The following ITIH5 variants were observed in gnomAD, a reference collection of about 807,000 sequenced individuals.
The protein encoded by ITIH5 is inter-alpha-trypsin inhibitor heavy chain H5.
Under a neutral mutation model 77.5 loss-of-function variants are expected in ITIH5, and 65 were observed. The ratio of observed to expected loss-of-function variants is 0.84; its 90% CI spans 0.69 to 1.03. The LOEUF is 1.03. Among genes scored for constraint, ITIH5 ranks in the 50% least tolerant of loss-of-function variants. The probability of loss-of-function intolerance (pLI) is 0.00; values close to 1 mark genes in which losing one functional copy is unlikely to be tolerated. For missense variants in ITIH5, 1,208 were observed against 1,213.1 expected (o/e 1.00, Z 0.06); for synonymous variants, 525 against 494.3 (o/e 1.06, Z -0.82).
intron 6 of ITIH5, 79 bp downstream of exon 6, chr10:7,617,034 G>A (rs1833381040): frequency 4.7e-6 from 4 of 855,438 alleles, no homozygotes; most frequent in Non-Finnish European, 6.7e-6. Context: ...TCTCCCTTAG[G>A]TAAATATTGG....
Position 7,559,900 on chromosome 10 carries a change from G to T in ITIH5, c.*3183C>A, listed in dbSNP as rs1194072014. ...GGAGTTTGGCTCTGTCACTCCAGCTGGAGTGCAGTGGCGTGATCTTGGCTC... is the reference window on the plus strand; with the variant it reads ...GGAGTTTGGCTCTGTCACTCCAGCTTGAGTGCAGTGGCGTGATCTTGGCTC... On this transcript the variant is annotated 3_prime_UTR_variant, in exon 14 of 14. Transcript: ENST00000397146. 2.2e-6 allele frequency: 1 copy of T among 451,488 alleles called. No homozygotes were observed. Among genetic ancestry groups the T allele is most frequent in the Admixed American group, 2.4e-5 (1 of 42,192 alleles). 28.0% of individuals were successfully genotyped at this position (451,488 alleles called of 1,614,324 possible). A position where few individuals can be genotyped will look rare whatever the true frequency, so the allele number is the denominator to read the frequency against.
chr10:7,575,967 T>C (rs895673317), intron 10 of ITIH5, among the ~76,000 whole-genome samples: 1 of 152,170 alleles, frequency 6.6e-6, no homozygotes, highest in East Asian at 1.9e-4. Flanking sequence ...GTAATGCACA[T>C]ACAACAGTCT....
chr10:7,634,581 C>A (rs113677101), intron 5 of ITIH5, among the ~76,000 whole-genome samples: 1 of 152,146 alleles, frequency 6.6e-6, no homozygotes, highest in Non-Finnish European at 1.5e-5. Flanking sequence ...CACTAACAGG[C>A]CCCGAATATA....
chr10:7,633,919 C>A (rs1833753475), intron 5 of ITIH5, among the ~76,000 whole-genome samples: 1 of 151,682 alleles, frequency 6.6e-6, no homozygotes, highest in Non-Finnish European at 1.5e-5. Flanking sequence ...GAAACCTCGT[C>A]TCTACTAAAA....
intron 5 of ITIH5, among the ~76,000 whole-genome samples, chr10:7,623,676 G>A (rs1384562918): frequency 9.2e-5 from 14 of 151,972 alleles, no homozygotes; most frequent in East Asian, 1.9e-4. Context: ...GGTGGCAGGC[G>A]CCTGTAGTCC....
At position 7,573,124 on chromosome 10, in the gene ITIH5, C is replaced by A; in HGVS notation, c.2032+18G>T. ...TCTCTTACTCTCAATCCACACACAA[C>A]CGCATCCTTTGCTTTACCTGATGTT... is the stretch of plus-strand genomic sequence containing the variant. On this transcript the variant is annotated intron_variant, in intron 11 of 13. Coordinates refer to ENST00000397146, the MANE Select transcript of ITIH5 (RefSeq NM_030569.7). 1 of 1,609,926 alleles carries A rather than the reference C, an allele frequency of 6.2e-7. No homozygotes were observed.
At chr10:7,663,896 T>C (rs913582861) in intron 1 of ITIH5, among the ~76,000 whole-genome samples, 8 of 152,212 alleles carry the variant, frequency 5.3e-5, no homozygotes, top group South Asian at 2.1e-4. Context: ...CCCTGAGACA[T>C]TGGGACATTA....
At chr10:7,597,406 T>C (rs1370083919) in intron 7 of ITIH5, among the ~76,000 whole-genome samples, 1 of 152,152 alleles carries the variant, frequency 6.6e-6, no homozygotes, top group Admixed American at 6.5e-5. Context: ...ACTTCAAAGT[T>C]CACAACAACA....
At chr10:7,663,894 C>T (rs1834318969) in intron 1 of ITIH5, among the ~76,000 whole-genome samples, 3 of 152,192 alleles carry the variant, frequency 2.0e-5, no homozygotes, top group Admixed American at 2.0e-4. Context: ...CTCCCTGAGA[C>T]ATTGGGACAT....
In ITIH5 at chr10:7,562,946, T is replaced by A; in HGVS notation, c.*137A>T. The A allele has an allele frequency of 1.8e-6, 1 of 551,744 alleles. No individual in the cohort carries two copies. Among genetic ancestry groups the A allele is most frequent in the Non-Finnish European group, 3.4e-6 (1 of 292,536 alleles). The allele number at this position is 551,744 out of a possible 1,614,324, so 34.2% of individuals were successfully genotyped here. On this transcript the variant is annotated 3_prime_UTR_variant, in exon 14 of 14. Coordinates refer to ENST00000397146, the MANE Select transcript of ITIH5 (RefSeq NM_030569.7). ...CCTTCGCCCAGACAGACGTCGGATC[T>A]ATGCTGCACCAGGGGTGGGTCATGG...
At position 7,644,582 on chromosome 10, in the gene ITIH5, A is replaced by G. The variant is rs185751123; in HGVS notation, c.136-2492T>C. Among the ~76,000 whole-genome samples the G allele has an allele frequency of 2.9e-5, 4 of 140,110 alleles. 1 individual carries two copies. The highest frequency in any genetic ancestry group is 1.0e-4 in the African/African-American group (4 of 38,292). The allele number at this position is 140,110 out of a possible 152,430, so 91.9% of individuals were successfully genotyped here. On this transcript the variant is annotated intron_variant, in intron 2 of 13. Transcript: ENST00000397146. ...CATATATATGATATATATCACATAT[A>G]TCACATATATATCATACATATCACA...
rs111695245 is a variant in ITIH5 at position 7,613,136 on chromosome 10, T to G, written c.939+2846A>C. On this transcript the variant is annotated intron_variant, in intron 7 of 13. Transcript: ENST00000397146. ...GGCGAGCACCTGTAATCTCAGCTAC[T>G]TGGGGGAACTGAGGCAGGAGAGTTG... 2.6e-5 allele frequency among the ~76,000 whole-genome samples: 4 copies of G among 151,980 alleles called. 1 individual carries two copies. Among genetic ancestry groups the G allele is most frequent in the African/African-American group, 9.7e-5 (4 of 41,364 alleles).
rs753375922 is a variant in ITIH5 at position 7,563,349 on chromosome 10, C to T, written c.2563G>A (p.Asp855Asn). Residue 855 changes from aspartate (D) to asparagine (N), a missense_variant, in exon 14 of 14, where the codon GAC becomes AAC. Asp to Asn is a conservative substitution (Grantham distance 23). Coordinates refer to ENST00000397146, the MANE Select transcript of ITIH5 (RefSeq NM_030569.7). ...FLNQDARLTEDPAGPSQNLTH... is the reference protein window; with the variant it reads ...FLNQDARLTENPAGPSQNLTH... The stretch of plus-strand genomic sequence containing the variant: ...AGGTTCTGGCTGGGCCCTGCAGGGT[C>T]TTCTGTGAGTCTGGCATCCTGATTC... The T allele has an allele frequency of 1.2e-5, 20 of 1,613,552 alleles. No individual in the cohort carries two copies. Among genetic ancestry groups the T allele is most frequent in the South Asian group, 7.7e-5 (7 of 91,082 alleles).
chr10:7,573,184 T>C lies in ITIH5; in HGVS notation c.1990A>G (p.Lys664Glu). Residue 664 changes from lysine (K) to glutamate (E), a missense_variant, in exon 11 of 14, where the codon AAG becomes GAG. Physicochemically the swap from Lys to Glu is moderately conservative, Grantham distance 56. Coordinates refer to ENST00000397146, the MANE Select transcript of ITIH5 (RefSeq NM_030569.7). ...GAGTQPGPLL[K>E]KPYQPRIKIS... The stretch of plus-strand genomic sequence containing the variant: ...TTAATTCTTGGCTGGTATGGCTTCT[T>C]GAGCAAAGGTCCTAAAAGGGAGAAG... 1 of 1,613,468 alleles carries C rather than the reference T, an allele frequency of 6.2e-7. No homozygotes were observed. The highest frequency in any genetic ancestry group is 8.5e-7 in the Non-Finnish European group (1 of 1,179,438).
chr10:7,650,965 A>T (rs1324976925), intron 2 of ITIH5, among the ~76,000 whole-genome samples: 1 of 151,726 alleles, frequency 6.6e-6, no homozygotes, highest in Non-Finnish European at 1.5e-5. Flanking sequence ...TTATACAAGA[A>T]AACCCTCCCC....
At chr10:7,582,545 G>C (rs1832586921) in intron 8 of ITIH5, among the ~76,000 whole-genome samples, 1 of 152,052 alleles carries the variant, frequency 6.6e-6, no homozygotes, top group Admixed American at 6.6e-5. Context: ...AGTAAATTTA[G>C]AGTTTGATGA....
intron 2 of ITIH5, among the ~76,000 whole-genome samples, chr10:7,644,467 TAGATC>T: frequency 7.0e-6 from 1 of 143,498 alleles, no homozygotes; most frequent in Non-Finnish European, 1.5e-5. Flanking sequence ...ATATCACATA[TAGATC>T]ATATATAATC....
rs778563870 is a variant in ITIH5 at position 7,579,867 on chromosome 10, T to C, written c.1306A>G (p.Ile436Val). Residue 436 changes from isoleucine (I) to valine (V), a missense_variant, in exon 9 of 14, where the codon ATT becomes GTT. By Grantham distance (29) the Ile-to-Val change is conservative. Transcript: ENST00000397146. Reference sequence around the variant, plus strand: ...AAGTCCACGTCGTTGCCGATGCCAATGGTGAAGATGCAGACTTGGCCTCGG... The same window carrying C: ...AAGTCCACGTCGTTGCCGATGCCAACGGTGAAGATGCAGACTTGGCCTCGG... ...AARGQVCIFTIGIGNDVDFRL... is the reference protein window; with the variant it reads ...AARGQVCIFTVGIGNDVDFRL... 61 of 1,614,096 alleles carry C rather than the reference T, an allele frequency of 3.8e-5. No homozygotes were observed. In the South Asian group the frequency reaches 3.8e-4, roughly 10 times the overall value.
At chr10:7,643,976 C>T (rs1255193798) in intron 2 of ITIH5, among the ~76,000 whole-genome samples, 1 of 152,190 alleles carries the variant, frequency 6.6e-6, no homozygotes, top group Non-Finnish European at 1.5e-5. Flanking sequence ...CGCGGTGGCT[C>T]ACACCTGTAG....
Sources: gnomAD v4.1 joint callset for allele counts (sites outside exome capture counted in the v4.1 genomes callset) on GRCh38, gnomAD v4.1.1 for gene constraint, MANE v1.5 for transcripts, NCBI Gene and HGNC (gene_info 2026-07-23, HGNC 2026-07-21) for gene names.